Variants in UNC5D observed in about 807,000 individuals in gnomAD.
UNC5D encodes netrin receptor UNC5D.
A neutral mutation model predicts 105.4 loss-of-function variants in UNC5D; 39 were observed. The observed-to-expected ratio is 0.37, with a 90% CI of 0.29 to 0.48. The LOEUF (loss-of-function observed/expected upper bound fraction) is 0.48. Among genes scored for constraint, UNC5D ranks in the 20% least tolerant of loss-of-function variants. The pLI is 0.98. For synonymous variants in UNC5D, 452 were observed against 450.4 expected (o/e 1.00, Z -0.04); for missense variants, 991 against 1,202.4 (o/e 0.82, Z 2.60).
At chr8:35,540,402 CAT>C (rs928633380) in intron 1 of UNC5D, among the ~76,000 whole-genome samples, 8 of 150,890 alleles carry the variant, frequency 5.3e-5, no homozygotes, top group African/African-American at 2.0e-4. Context: ...CTAAAATTGC[CAT>C]AGTTTATGAA....
chr8:35,631,097 G>C (rs1287506174), intron 4 of UNC5D, among the ~76,000 whole-genome samples: 1 of 152,200 alleles, frequency 6.6e-6, no homozygotes, highest in African/African-American at 2.4e-5. Flanking sequence ...CAGATTGCCT[G>C]AGCTCAGGAG....
At chr8:35,429,248 T>C (rs926758330) in intron 1 of UNC5D, among the ~76,000 whole-genome samples, 1 of 152,134 alleles carries the variant, frequency 6.6e-6, no homozygotes, top group African/African-American at 2.4e-5. Context: ...GGTCAGGAAG[T>C]GTTGTGCTAG....
At chr8:35,610,981 C>G (rs13439113) in intron 4 of UNC5D, among the ~76,000 whole-genome samples, 1 of 81,524 alleles carries the variant, frequency 1.2e-5, no homozygotes, top group Non-Finnish European at 2.3e-5. Context: ...AAAATGTTTT[C>G]TTTGTAGGTT....
chr8:35,274,896 C>A (rs936027989), intron 1 of UNC5D, among the ~76,000 whole-genome samples: 2 of 151,898 alleles, frequency 1.3e-5, no homozygotes, highest in African/African-American at 4.8e-5. Flanking sequence ...TTGAGACCAG[C>A]CTGGCCAACA....
intron 4 of UNC5D, among the ~76,000 whole-genome samples, chr8:35,678,139 T>C (rs1392600323): frequency 6.6e-6 from 1 of 152,118 alleles, no homozygotes; most frequent in Non-Finnish European, 1.5e-5. Flanking sequence ...GGCCAGCTCA[T>C]ATGATAGCAC....
intron 4 of UNC5D, among the ~76,000 whole-genome samples, chr8:35,624,730 A>G (rs1360227541): frequency 6.6e-6 from 1 of 152,110 alleles, no homozygotes; most frequent in Non-Finnish European, 1.5e-5. Context: ...GTTCCTTTCC[A>G]CTTAACTACA....
chr8:35,486,994 A>C (rs1291775538), intron 1 of UNC5D, among the ~76,000 whole-genome samples: 1 of 152,140 alleles, frequency 6.6e-6, no homozygotes, highest in African/African-American at 2.4e-5. Context: ...ACAGAATCCC[A>C]GGCCATACTA....
intron 1 of UNC5D, among the ~76,000 whole-genome samples, chr8:35,419,529 G>A (rs1805750067): frequency 6.6e-6 from 1 of 152,206 alleles, no homozygotes; most frequent in African/African-American, 2.4e-5. Flanking sequence ...GAGCCCCAAA[G>A]GGTGTTGTGG....
At chr8:35,396,496 C>CTTT (rs754696276) in intron 1 of UNC5D, among the ~76,000 whole-genome samples, 1 of 144,314 alleles carries the variant, frequency 6.9e-6, no homozygotes, top group Non-Finnish European at 1.5e-5. Flanking sequence ...CTTTTATTTT[C>CTTT]TTTTTTTTTT....
intron 4 of UNC5D, among the ~76,000 whole-genome samples, chr8:35,606,160 G>C (rs964440334): frequency 3.3e-5 from 5 of 151,628 alleles, no homozygotes; most frequent in Non-Finnish European, 7.4e-5. Context: ...GCTAATTTTT[G>C]TATTTTTAGT....
At chr8:35,462,555 T>C (rs1382804573) in intron 1 of UNC5D, among the ~76,000 whole-genome samples, 1 of 152,174 alleles carries the variant, frequency 6.6e-6, no homozygotes, top group Non-Finnish European at 1.5e-5. Flanking sequence ...ACTAATGGTA[T>C]AATTACAATA....
chr8:35,401,893 CT>C (rs1450467985), intron 1 of UNC5D, among the ~76,000 whole-genome samples: 1 of 152,202 alleles, frequency 6.6e-6, no homozygotes, highest in Non-Finnish European at 1.5e-5. Context: ...GCCATCTTTC[CT>C]GCTTACTTTC....
At chr8:35,281,085 C>A (rs1806122296) in intron 1 of UNC5D, among the ~76,000 whole-genome samples, 1 of 152,174 alleles carries the variant, frequency 6.6e-6, no homozygotes, top group South Asian at 2.1e-4. Context: ...CCTCACCAGG[C>A]CTTCGCTGTG....
chr8:35,470,567 G>T (rs1436334840), intron 1 of UNC5D, among the ~76,000 whole-genome samples: 1 of 146,366 alleles, frequency 6.8e-6, no homozygotes, highest in Non-Finnish European at 1.5e-5. Context: ...ACTAGCTTGG[G>T]TAACATGGTG....
chr8:35,596,016 A>G (rs1819470401), intron 4 of UNC5D, among the ~76,000 whole-genome samples: 1 of 152,194 alleles, frequency 6.6e-6, no homozygotes, highest in Non-Finnish European at 1.5e-5. Flanking sequence ...TAACAGGCAA[A>G]CACACATGAA....
At chr8:35,567,589 C>T (rs898135310) in intron 2 of UNC5D, among the ~76,000 whole-genome samples, 3 of 152,166 alleles carry the variant, frequency 2.0e-5, no homozygotes. Flanking sequence ...ATGCCGATGC[C>T]TTCGTCCTTC....
chr8:35,517,865 T>C (rs534932391), intron 1 of UNC5D, among the ~76,000 whole-genome samples: 1 of 152,232 alleles, frequency 6.6e-6, no homozygotes, highest in Non-Finnish European at 1.5e-5. Context: ...GCAGGACCAC[T>C]TCCTCATAGA....
At chr8:35,375,289 G>T (rs1802634495) in intron 1 of UNC5D, among the ~76,000 whole-genome samples, 2 of 152,092 alleles carry the variant, frequency 1.3e-5, no homozygotes. Flanking sequence ...TCTGTTAAAG[G>T]CACCAAGATA....
intron 1 of UNC5D, among the ~76,000 whole-genome samples, chr8:35,492,556 TA>T (rs1811280925): frequency 6.6e-6 from 1 of 151,926 alleles, no homozygotes; most frequent in Admixed American, 6.6e-5. Flanking sequence ...GGAAGTCTGC[TA>T]TTATTAACCG....
Sources: allele counts gnomAD v4.1 joint callset (sites outside exome capture counted in the v4.1 genomes callset), GRCh38; gene constraint gnomAD v4.1.1; transcripts MANE v1.5; gene names NCBI Gene and HGNC (gene_info 2026-07-23, HGNC 2026-07-21).